MAML3: variants seen among roughly 807,000 people sequenced by gnomAD.
MAML3 encodes mastermind-like protein 3.
A neutral mutation model predicts 101.9 loss-of-function variants in MAML3; 27 were observed. That is an observed-to-expected ratio of 0.27 (90% confidence interval 0.20 to 0.37). The LOEUF (loss-of-function observed/expected upper bound fraction) is 0.37, where lower values mean the gene tolerates loss of function less well. MAML3 is among the 10% of genes least tolerant of loss of function. MAML3 has a pLI of 1.00. For missense variants in MAML3, 1,316 were observed against 1,444.9 expected (o/e 0.91, Z 1.45); for synonymous variants, 501 against 555.9 (o/e 0.90, Z 1.39).
intron 2 of MAML3, among the ~76,000 whole-genome samples, chr4:139,734,691 T>A (rs553687922): frequency 6.6e-6 from 1 of 152,354 alleles, no homozygotes; most frequent in South Asian, 2.1e-4. Context: ...GTGGTAAAAA[T>A]ATCTCCCAAG....
chr4:139,755,637 T>A (rs1729633218), intron 2 of MAML3, among the ~76,000 whole-genome samples: 1 of 152,110 alleles, frequency 6.6e-6, no homozygotes, highest in South Asian at 2.1e-4. Flanking sequence ...CTATATATGG[T>A]TTACTACAAC....
chr4:140,138,575 A>G (rs1304121009), intron 1 of MAML3, among the ~76,000 whole-genome samples: 1 of 152,186 alleles, frequency 6.6e-6, no homozygotes, highest in Non-Finnish European at 1.5e-5. Flanking sequence ...ATCTGCACAC[A>G]CCACCGTGAG....
chr4:139,947,982 T>A (rs957103332), intron 1 of MAML3, among the ~76,000 whole-genome samples: 8 of 152,024 alleles, frequency 5.3e-5, no homozygotes, highest in Non-Finnish European at 1.2e-4. Context: ...ATGCCTGTAA[T>A]CTCAGCTACT....
intron 2 of MAML3, among the ~76,000 whole-genome samples, chr4:139,885,934 A>AAAAAAAAAAAAAAAAC (rs1732326764): frequency 7.6e-6 from 1 of 130,942 alleles, no homozygotes; most frequent in Non-Finnish European, 1.5e-5. Flanking sequence ...CTCCGTCTCA[A>AAAAAAAAAAAAAAAAC]AAAAAAAAAA....
chr4:139,723,306 GT>G (rs954168316), intron 4 of MAML3, among the ~76,000 whole-genome samples: 1 of 151,564 alleles, frequency 6.6e-6, no homozygotes, highest in Admixed American at 6.6e-5. Flanking sequence ...TTTGTCTCTG[GT>G]TTTTTTTGTT....
chr4:140,067,171 C>G (rs1173859143), intron 1 of MAML3, among the ~76,000 whole-genome samples: 4 of 151,604 alleles, frequency 2.6e-5, no homozygotes, highest in Non-Finnish European at 4.4e-5. Flanking sequence ...TGATTCAGCC[C>G]TAGTGGGCCA....
At chr4:139,883,353 C>CT (rs1466658784) in intron 2 of MAML3, among the ~76,000 whole-genome samples, 10 of 152,228 alleles carry the variant, frequency 6.6e-5, no homozygotes, top group African/African-American at 2.4e-4. Flanking sequence ...GCCCCTCACC[C>CT]TGCCCAAAAG....
intron 2 of MAML3, among the ~76,000 whole-genome samples, chr4:139,752,727 G>A (rs1380998443): frequency 6.6e-6 from 1 of 152,056 alleles, no homozygotes; most frequent in Non-Finnish European, 1.5e-5. Context: ...ATGGCCAATC[G>A]AAGATCGCAG....
At chr4:140,130,639 G>A (rs1239303172) in intron 1 of MAML3, among the ~76,000 whole-genome samples, 3 of 152,128 alleles carry the variant, frequency 2.0e-5, no homozygotes, top group African/African-American at 4.8e-5. Context: ...GGTAGCAGAC[G>A]GATAAGTGTA....
intron 2 of MAML3, among the ~76,000 whole-genome samples, chr4:139,849,519 C>T (rs1731511735): frequency 6.6e-6 from 1 of 152,094 alleles, no homozygotes; most frequent in South Asian, 2.1e-4. Flanking sequence ...GGTTGGCGCT[C>T]CCCAGTTAAG....
At chr4:140,111,127 T>C (rs1327426627) in intron 1 of MAML3, among the ~76,000 whole-genome samples, 4 of 152,214 alleles carry the variant, frequency 2.6e-5, no homozygotes, top group African/African-American at 7.2e-5. Flanking sequence ...GTATTAAACA[T>C]GGCATAGCAC....
chr4:140,056,370 TTTTA>T, intron 1 of MAML3, among the ~76,000 whole-genome samples: 1 of 151,672 alleles, frequency 6.6e-6, no homozygotes, highest in Non-Finnish European at 1.5e-5. Flanking sequence ...TTTTTTTTTT[TTTTA>T]AAGACAGAGT....
chr4:139,824,303 C>T lies in MAML3; in HGVS notation c.2079+65054G>A, dbSNP rs117754308. Among the ~76,000 whole-genome samples the T allele has an allele frequency of 4.5e-4, 68 of 152,254 alleles. 1 individual carries two copies. In the East Asian group the frequency reaches 9.8e-3, roughly 22 times the overall value. ...GCCTTTCTATCCTCAGAATGCCGCA[C>T]GCATTTGTTTTCAGTAAATGTTTGA... On this transcript the variant is annotated intron_variant, in intron 2 of 4. Coordinates refer to ENST00000509479, the MANE Select transcript of MAML3 (RefSeq NM_018717.5).
chr4:139,785,311 T>C lies in MAML3; in HGVS notation c.2080-54644A>G, dbSNP rs1730286470. 6.6e-6 allele frequency among the ~76,000 whole-genome samples: 1 copy of C among 152,198 alleles called. No homozygotes were observed. Among genetic ancestry groups the C allele is most frequent in the Admixed American group, 6.5e-5 (1 of 15,292 alleles). ...GCTGTTTACATGCTTAAAATATTAA[T>C]AATCAGAGTTCACTTTCATAGGGCT... On this transcript the variant is annotated intron_variant, in intron 2 of 4. Coordinates refer to ENST00000509479, the MANE Select transcript of MAML3 (RefSeq NM_018717.5). This position sits in a 1 kb window ranked among gnomAD's most constrained non-coding sequence, Gnocchi z 4.3.
Position 139,889,602 on chromosome 4 carries a change from G to A in MAML3, c.1834C>T (p.Leu612=). The change falls in exon 2 of 5, where the codon CTG becomes TTG. Residue 612 remains leucine, a synonymous_variant. Transcript: ENST00000509479. ...TKPLTHFNAD[L]SQRMTPPVAN... ...ACTGGTGGTGTCATCCTCTGACTCA[G>A]GTCTGCATTGAAGTGGGTCAGGGGT... The A allele has an allele frequency of 6.2e-7, 1 of 1,613,916 alleles. No individual in the cohort carries two copies. The highest frequency in any genetic ancestry group is 1.1e-5 in the South Asian group (1 of 91,076).
intron 2 of MAML3, among the ~76,000 whole-genome samples, chr4:139,888,998 T>C (rs1362783393): frequency 6.6e-6 from 1 of 152,094 alleles, no homozygotes; most frequent in Admixed American, 6.5e-5. Flanking sequence ...ACCCAGAGCC[T>C]GGGATCATGC....
intron 2 of MAML3, among the ~76,000 whole-genome samples, chr4:139,766,067 ATTTC>A (rs1164889496): frequency 6.7e-6 from 1 of 149,886 alleles, no homozygotes; most frequent in African/African-American, 2.5e-5. Flanking sequence ...GGTGTTGTGT[ATTTC>A]TTCTTAGTTC....
intron 2 of MAML3, among the ~76,000 whole-genome samples, chr4:139,807,879 A>G (rs1323985678): frequency 6.6e-6 from 1 of 152,132 alleles, no homozygotes; most frequent in African/African-American, 2.4e-5. Flanking sequence ...TCCAAATTTG[A>G]TATATTTTCT....
chr4:140,098,486 A>T (rs1360721996), intron 1 of MAML3, among the ~76,000 whole-genome samples: 1 of 152,254 alleles, frequency 6.6e-6, no homozygotes, highest in East Asian at 1.9e-4. Flanking sequence ...TTGTAAACAC[A>T]GAGCCTCACC....
Sources: gnomAD v4.1 joint callset for allele counts (sites outside exome capture counted in the v4.1 genomes callset) on GRCh38, gnomAD v4.1.1 for gene constraint, Gnocchi (gnomAD v3.1) non-coding constraint, MANE v1.5 for transcripts, NCBI Gene and HGNC (gene_info 2026-07-23, HGNC 2026-07-21) for gene names.